MMACHC: variants seen among roughly 807,000 people sequenced by gnomAD.
The protein encoded by MMACHC is cyanocobalamin reductase / alkylcobalamin dealkylase.
MMACHC carries 14 observed loss-of-function variants against 17.6 expected under a neutral mutation model. The observed-to-expected ratio is 0.80, with a 90% confidence interval of 0.53 to 1.25. MMACHC has a LOEUF of 1.25. Ranked by LOEUF, MMACHC falls within the 50% of genes most tolerant of loss-of-function variation. MMACHC has a pLI of 0.00. For missense variants in MMACHC, 392 were observed against 364.5 expected (o/e 1.08, Z -0.62); for synonymous variants, 151 against 142.1 (o/e 1.06, Z -0.45).
In MMACHC at chr1:45,510,069, T is replaced by A. The variant is rs1190016682; in HGVS notation, c.*854T>A. The A allele has an allele frequency of 6.3e-5, 1 of 15,876 alleles. No individual in the cohort carries two copies. Among genetic ancestry groups the A allele is most frequent in the Non-Finnish European group, 1.3e-4 (1 of 7,500 alleles). 1.0% of individuals were successfully genotyped at this position (15,876 alleles called of 1,614,324 possible). A position where few individuals can be genotyped will look rare whatever the true frequency, so the allele number is the denominator to read the frequency against. On this transcript the variant is annotated 3_prime_UTR_variant, in exon 4 of 4. Coordinates refer to ENST00000401061, the MANE Select transcript of MMACHC (RefSeq NM_015506.3). ...TCTAGCCTGGGTGACAGTGTGAGAC[T>A]CTGTCTCAAAAAAAAAAAAAAAAGT...
In MMACHC at chr1:45,510,028, G is replaced by T. The variant is rs1643709638; in HGVS notation, c.*813G>T. 3 of 150,306 alleles carry T rather than the reference G, an allele frequency of 2.0e-5. No individual in the cohort carries two copies. Among genetic ancestry groups the T allele is most frequent in the African/African-American group, 4.9e-5 (2 of 40,688 alleles). 9.3% of individuals were successfully genotyped at this position (150,306 alleles called of 1,614,324 possible). A position where few individuals can be genotyped will look rare whatever the true frequency, so the allele number is the denominator to read the frequency against. Reference sequence around the variant, plus strand: ...GGAGGCAGAGATTGCAGTGAGCCGAGATTGCATGGCTGCACTCTAGCCTGG... The same window carrying T: ...GGAGGCAGAGATTGCAGTGAGCCGATATTGCATGGCTGCACTCTAGCCTGG... On this transcript the variant is annotated 3_prime_UTR_variant, in exon 4 of 4. Transcript: ENST00000401061.
chr1:45,508,183 A>G (rs201889883), intron 2 of MMACHC, 29 bp from the exon 3 acceptor site: 49 of 1,613,404 alleles, frequency 3.0e-5, no homozygotes, highest in Non-Finnish European at 3.5e-5. Flanking sequence ...TCATGCTGAC[A>G]GTACCCTCTA....
intron 2 of MMACHC, among the ~76,000 whole-genome samples, chr1:45,507,805 T>C (rs1002236397): frequency 7.2e-5 from 11 of 152,168 alleles, no homozygotes; most frequent in South Asian, 4.1e-4. Context: ...TATATGAACC[T>C]CAGACCAGGT....
rs1354024647 is a variant in MMACHC at position 45,511,136 on chromosome 1, G to A, written c.*1921G>A. Reference sequence around the variant, plus strand: ...TACAAACCAGTAGCCTGCCCACAACGCCAACTCAGGCCATTCCTACCAAAG... The same window carrying A: ...TACAAACCAGTAGCCTGCCCACAACACCAACTCAGGCCATTCCTACCAAAG... On this transcript the variant is annotated 3_prime_UTR_variant, in exon 4 of 4. Transcript: ENST00000401061. 1 of 525,304 alleles carries A rather than the reference G, an allele frequency of 1.9e-6. No homozygotes were observed. The highest frequency in any genetic ancestry group is 3.4e-6 in the Non-Finnish European group (1 of 297,074). The allele number at this position is 525,304 out of a possible 1,614,324, so 32.5% of individuals were successfully genotyped here.
At position 45,506,003 on chromosome 1, in the gene MMACHC, T is replaced by G. The variant is rs180984173; in HGVS notation, c.82-1353T>G. On this transcript the variant is annotated intron_variant, in intron 1 of 3. Transcript: ENST00000401061. The stretch of plus-strand genomic sequence containing the variant: ...GATCTCGTCTTTTGATCTGTCTGTA[T>G]GGAGATGCTCTGGATATAGTAAAAT... 9.8e-4 allele frequency among the ~76,000 whole-genome samples: 150 copies of G among 152,328 alleles called. 4 individuals are homozygous for G. In the East Asian group the frequency reaches 0.023, roughly 23 times the overall value.
chr1:45,511,188 T>C lies in MMACHC; in HGVS notation c.*1973T>C. On this transcript the variant is annotated 3_prime_UTR_variant, in exon 4 of 4. Transcript: ENST00000401061. ...AAGAAAGGCTGGTCTCTCCACCCCC[T>C]GTAGGAAAGGCCTGCCTTGTAAGAC... 1 of 710,428 alleles carries C rather than the reference T, an allele frequency of 1.4e-6. No individual in the cohort carries two copies. The highest frequency in any genetic ancestry group is 2.3e-6 in the Non-Finnish European group (1 of 429,234). The allele number at this position is 710,428 out of a possible 1,614,324, so 44.0% of individuals were successfully genotyped here.
At chr1:45,501,058 C>A (rs2149321320) in intron 1 of MMACHC, among the ~76,000 whole-genome samples, 1 of 152,126 alleles carries the variant, frequency 6.6e-6, no homozygotes. Flanking sequence ...TAGGAGAGGG[C>A]AAAGCCTAGA....
chr1:45,511,119 A>C lies in MMACHC; in HGVS notation c.*1904A>C, dbSNP rs1643734649. 1 of 489,970 alleles carries C rather than the reference A, an allele frequency of 2.0e-6. No individual in the cohort carries two copies. Among genetic ancestry groups the C allele is most frequent in the Non-Finnish European group, 3.6e-6 (1 of 276,510 alleles). The allele number at this position is 489,970 out of a possible 1,614,324, so 30.4% of individuals were successfully genotyped here. ...GCTCTACTAATACATCATACAAACC[A>C]GTAGCCTGCCCACAACGCCAACTCA... On this transcript the variant is annotated 3_prime_UTR_variant, in exon 4 of 4. Coordinates refer to ENST00000401061, the MANE Select transcript of MMACHC (RefSeq NM_015506.3).
chr1:45,511,964 AT>A lies in MMACHC; in HGVS notation c.*2752del. 1 of 151,944 alleles carries A rather than the reference AT, an allele frequency of 6.6e-6. No individual in the cohort carries two copies. Among genetic ancestry groups the A allele is most frequent in the African/African-American group, 2.4e-5 (1 of 41,462 alleles). The allele number at this position is 151,944 out of a possible 1,614,324, so 9.4% of individuals were successfully genotyped here. A position where few individuals can be genotyped will look rare whatever the true frequency, so the allele number is the denominator to read the frequency against. On this transcript the variant is annotated 3_prime_UTR_variant, in exon 4 of 4. Transcript: ENST00000401061. ...AGGCAGAGTTTGAAATTTTTCATAG[AT>A]TTATACAGAAAGCACAGCCTTCAAC...
intron 3 of MMACHC, 120 bp from the exon 4 acceptor site, chr1:45,508,676 G>A: frequency 8.3e-7 from 1 of 1,204,902 alleles, no homozygotes; most frequent in South Asian, 1.6e-5. Flanking sequence ...GAAAAGGACA[G>A]AGGTTTATGT....
At chr1:45,505,738 C>T (rs1249021916) in intron 1 of MMACHC, among the ~76,000 whole-genome samples, 2 of 151,932 alleles carry the variant, frequency 1.3e-5, no homozygotes, top group African/African-American at 4.8e-5. Context: ...CTCATCTCTA[C>T]TAAAAATACA....
rs1229858789 is a variant in MMACHC at position 45,507,560 on chromosome 1, G to A, written c.276+10G>A. ...GGGCCGTGTTAGAGAGGTGAGGAAGGCTCAGTTTTCCCCCAGCTCCCAAAC... is the reference window on the plus strand; with the variant it reads ...GGGCCGTGTTAGAGAGGTGAGGAAGACTCAGTTTTCCCCCAGCTCCCAAAC... On this transcript the variant is annotated intron_variant, in intron 2 of 3. Transcript: ENST00000401061. 2.5e-6 allele frequency: 4 copies of A among 1,614,074 alleles called. No homozygotes were observed. In the South Asian group the frequency reaches 4.4e-5, roughly 18 times the overall value.
chr1:45,511,106 C>T lies in MMACHC; in HGVS notation c.*1891C>T, dbSNP rs952099770. ...AGATTAATGGGTTGCTCTACTAATA[C>T]ATCATACAAACCAGTAGCCTGCCCA... On this transcript the variant is annotated 3_prime_UTR_variant, in exon 4 of 4. Transcript: ENST00000401061. 4.7e-6 allele frequency: 2 copies of T among 425,556 alleles called. No individual in the cohort carries two copies. Among genetic ancestry groups the T allele is most frequent in the South Asian group, 5.5e-5 (1 of 18,200 alleles). 26.4% of individuals were successfully genotyped at this position (425,556 alleles called of 1,614,324 possible).
chr1:45,509,325 A>G lies in MMACHC; in HGVS notation c.*110A>G, dbSNP rs1011649121. The G allele has an allele frequency of 3.9e-5, 51 of 1,305,134 alleles. No individual in the cohort carries two copies. The highest frequency in any genetic ancestry group is 8.7e-6 in the Non-Finnish European group (8 of 922,238). The allele number at this position is 1,305,134 out of a possible 1,614,324, so 80.8% of individuals were successfully genotyped here. On this transcript the variant is annotated 3_prime_UTR_variant, in exon 4 of 4. Coordinates refer to ENST00000401061, the MANE Select transcript of MMACHC (RefSeq NM_015506.3). ...ATTACTATTTTTGATAATATAGTAG[A>G]GATCTTCCATGAAGATAACAAGGCT...
rs771704607 is a variant in MMACHC, at chr1:45,511,459, T to C, written c.*2244T>C. On this transcript the variant is annotated 3_prime_UTR_variant, in exon 4 of 4. Coordinates refer to ENST00000401061, the MANE Select transcript of MMACHC (RefSeq NM_015506.3). ...CTAATTAATAACCTTCTCAATGGTA[T>C]GCACCACCATTCTCCTATGGACAAA... 2 of 1,496,830 alleles carry C rather than the reference T, an allele frequency of 1.3e-6. No homozygotes were observed. Among genetic ancestry groups the C allele is most frequent in the Non-Finnish European group, 1.9e-6 (2 of 1,080,556 alleles). 92.7% of individuals were successfully genotyped at this position (1,496,830 alleles called of 1,614,324 possible).
Position 45,511,446 on chromosome 1 carries a change from C to G in MMACHC, c.*2231C>G. On this transcript the variant is annotated 3_prime_UTR_variant, in exon 4 of 4. Transcript: ENST00000401061. ...GAGAAAGGCACCACTAATTAATAAC[C>G]TTCTCAATGGTATGCACCACCATTC... 1 of 1,575,842 alleles carries G rather than the reference C, an allele frequency of 6.3e-7. No homozygotes were observed. The highest frequency in any genetic ancestry group is 1.1e-5 in the South Asian group (1 of 89,308).
intron 3 of MMACHC, 131 bp downstream of exon 3, chr1:45,508,495 G>A (rs1480640990): frequency 1.8e-6 from 2 of 1,122,148 alleles, no homozygotes; most frequent in Non-Finnish European, 2.5e-6. Context: ...TTCTGGATGG[G>A]AGGCAGTCCT....
At chr1:45,508,031 CAT>C (rs951684915) in intron 2 of MMACHC, among the ~76,000 whole-genome samples, 179 bp from the exon 3 acceptor site, 1 of 152,236 alleles carries the variant, frequency 6.6e-6, no homozygotes, top group African/African-American at 2.4e-5. Flanking sequence ...TCCCTTCAAA[CAT>C]GTGCCCTTCT....
Position 45,512,051 on chromosome 1 carries a change from G to A in MMACHC, c.*2836G>A, listed in dbSNP as rs1643758271. The A allele has an allele frequency of 6.6e-6, 1 of 150,736 alleles. No individual in the cohort carries two copies. Among genetic ancestry groups the A allele is most frequent in the Admixed American group, 6.6e-5 (1 of 15,104 alleles). The allele number at this position is 150,736 out of a possible 1,614,324, so 9.3% of individuals were successfully genotyped here. A position where few individuals can be genotyped will look rare whatever the true frequency, so the allele number is the denominator to read the frequency against. ...TAGCCTGAAGAAAATGAGGCAAGGG[G>A]ACTAATCTCTTATTTTTCTTTTTTT... On this transcript the variant is annotated 3_prime_UTR_variant, in exon 4 of 4. Transcript: ENST00000401061.
Sources: allele counts gnomAD v4.1 joint callset (sites outside exome capture counted in the v4.1 genomes callset), GRCh38; gene constraint gnomAD v4.1.1; transcripts MANE v1.5; gene names NCBI Gene and HGNC (gene_info 2026-07-23, HGNC 2026-07-21).